The following ENOX2 variants were observed in gnomAD, a reference collection of about 807,000 sequenced individuals.
ENOX2 encodes the protein APK1 antigen.
Under a neutral mutation model 45.0 loss-of-function variants are expected in ENOX2, and 36 were observed. The observed-to-expected ratio is 0.80, with a 90% CI of 0.61 to 1.06. The LOEUF (loss-of-function observed/expected upper bound fraction) is 1.06, where lower values mean the gene tolerates loss of function less well. ENOX2 is among the 50% of genes least tolerant of loss of function. ENOX2 has a pLI of 0.00. For missense variants in ENOX2, 423 were observed against 462.5 expected, an observed-to-expected ratio of 0.91 and a Z score of 0.78; for synonymous variants, 174 against 152.3, an observed-to-expected ratio of 1.14 and a Z score of -1.05.
intron 2 of ENOX2, among the ~76,000 whole-genome samples, chrX:130,899,961 C>T (rs886439958): frequency 3.6e-5 from 4 of 112,201 alleles, no homozygotes; most frequent in Non-Finnish European, 7.5e-5. Flanking sequence ...AATTTTACCT[C>T]CTAAATGTTT....
At chrX:130,744,377 T>C (rs1256257585) in intron 3 of ENOX2, among the ~76,000 whole-genome samples, 1 of 112,424 alleles carries the variant, frequency 8.9e-6, no homozygotes. Context: ...TGCTGCTATG[T>C]GTCTCTGTTT....
chrX:130,695,773 G>A (rs916647840), intron 4 of ENOX2, among the ~76,000 whole-genome samples: 11 of 111,355 alleles, frequency 9.9e-5, no homozygotes, highest in Non-Finnish European at 3.8e-5. Flanking sequence ...CTGTGTACTG[G>A]GAAATTTTAA....
At chrX:130,731,813 T>C (rs1410580475) in intron 3 of ENOX2, among the ~76,000 whole-genome samples, 1 of 111,523 alleles carries the variant, frequency 9.0e-6, no homozygotes, top group Non-Finnish European at 1.9e-5. Context: ...CCTTTTTTGA[T>C]AAAAACTCTC....
At chrX:130,804,669 A>G (rs963836550) in intron 2 of ENOX2, among the ~76,000 whole-genome samples, 6 of 111,895 alleles carry the variant, frequency 5.4e-5, no homozygotes, top group African/African-American at 1.9e-4. Context: ...CCCTACCACT[A>G]AAAAGGTGAT....
intron 3 of ENOX2, among the ~76,000 whole-genome samples, chrX:130,754,808 G>T (rs189247874): frequency 9.0e-6 from 1 of 111,078 alleles, no homozygotes; most frequent in Admixed American, 9.6e-5. Flanking sequence ...CATTACTTGG[G>T]TAACAGGATC....
chrX:130,895,979 G>A, intron 2 of ENOX2, among the ~76,000 whole-genome samples: 1 of 112,578 alleles, frequency 8.9e-6, no homozygotes, highest in Non-Finnish European at 1.9e-5. Context: ...ATAGCAAAAA[G>A]CAATTAGGTC....
At chrX:130,667,416 G>T in intron 8 of ENOX2, 114 bp downstream of exon 8, 1 of 618,495 alleles carries the variant, frequency 1.6e-6, no homozygotes, top group Non-Finnish European at 2.6e-6. Flanking sequence ...CAGTGAAAAA[G>T]GGAGCCTTGA....
rs2035959745 is a variant in ENOX2, at chrX:130,637,423, AT to A, written c.1130-14del. 8.5e-7 allele frequency: 1 copy of A among 1,181,805 alleles called. No homozygotes were observed. The highest frequency in any genetic ancestry group is 1.8e-5 in the African/African-American group (1 of 56,297). On this transcript the variant is annotated splice_polypyrimidine_tract_variant and intron_variant, in intron 10 of 14. Coordinates refer to ENST00000394363, the MANE Select transcript of ENOX2 (RefSeq NM_006375.4). ...TGTGATACTAAGGCTAACAATCAAT[AT>A]AAAATATGAAACCATATATCCAGAT...
intron 12 of ENOX2, among the ~76,000 whole-genome samples, chrX:130,634,507 C>T (rs771346809): frequency 8.9e-6 from 1 of 111,739 alleles, no homozygotes; most frequent in Non-Finnish European, 1.9e-5. Flanking sequence ...TTTCTCTCTT[C>T]TTGGTATTGG....
At chrX:130,795,943 C>T (rs1027624523) in intron 2 of ENOX2, among the ~76,000 whole-genome samples, 12 of 110,387 alleles carry the variant, frequency 1.1e-4, no homozygotes, top group South Asian at 4.0e-4. Context: ...CCTTATCAGA[C>T]GACTTATTGT....
intron 3 of ENOX2, among the ~76,000 whole-genome samples, chrX:130,743,886 G>T (rs2039041096): frequency 8.9e-6 from 1 of 111,979 alleles, no homozygotes; most frequent in African/African-American, 3.2e-5. Flanking sequence ...ATTAGACTTG[G>T]TCTGATGTGT....
At chrX:130,818,368 T>C (rs1037650765) in intron 2 of ENOX2, among the ~76,000 whole-genome samples, 13 of 111,768 alleles carry the variant, frequency 1.2e-4, no homozygotes, top group Non-Finnish European at 1.9e-4. Flanking sequence ...CAAGCTACCA[T>C]TGACTTTCTG....
At chrX:130,825,700 T>C (rs749180902) in intron 2 of ENOX2, among the ~76,000 whole-genome samples, 49 of 111,261 alleles carry the variant, frequency 4.4e-4, no homozygotes, top group African/African-American at 1.6e-3. Context: ...CTCCATTTCA[T>C]CTGAGGCATG....
At chrX:130,726,268 A>AAGCCC (rs2038602244) in intron 3 of ENOX2, among the ~76,000 whole-genome samples, 1 of 111,988 alleles carries the variant, frequency 8.9e-6, no homozygotes, top group Non-Finnish European at 1.9e-5. Flanking sequence ...CAACAAAGCA[A>AAGCCC]AGCCCTTTCC....
At chrX:130,656,880 T>C (rs970032293) in intron 9 of ENOX2, among the ~76,000 whole-genome samples, 185 bp from the exon 10 acceptor site, 5 of 112,016 alleles carry the variant, frequency 4.5e-5, no homozygotes, top group African/African-American at 1.3e-4. Context: ...GACTTGGTTA[T>C]ACTCTGTCTT....
rs188882257 is a variant in ENOX2 at position 130,754,340 on chromosome X, G to A, written c.-39+29207C>T. 4.0e-3 allele frequency among the ~76,000 whole-genome samples: 445 copies of A among 111,779 alleles called. 3 individuals carry two copies. The highest frequency in any genetic ancestry group is 7.0e-3 in the Non-Finnish European group (369 of 53,007). On this transcript the variant is annotated intron_variant, in intron 3 of 14. Transcript: ENST00000394363. ...AAATGCATGGATTGTACTGACTTACGAAAAATAAGTCTAACATGTCTACCT... is the reference window on the plus strand; with the variant it reads ...AAATGCATGGATTGTACTGACTTACAAAAAATAAGTCTAACATGTCTACCT...
At chrX:130,703,818 CA>C (rs1451148462) in intron 3 of ENOX2, among the ~76,000 whole-genome samples, 3 of 111,133 alleles carry the variant, frequency 2.7e-5, no homozygotes, top group African/African-American at 9.8e-5. Flanking sequence ...GTTAGGGGAA[CA>C]ATGAGAAAAA....
intron 2 of ENOX2, among the ~76,000 whole-genome samples, chrX:130,885,790 T>C (rs761707369): frequency 3.3e-4 from 37 of 112,462 alleles, no homozygotes; most frequent in Non-Finnish European, 7.5e-5. Flanking sequence ...CACTGGTCCA[T>C]GAGAAATCTC....
At chrX:130,863,462 CTT>C (rs1361743691) in intron 2 of ENOX2, among the ~76,000 whole-genome samples, 3 of 112,340 alleles carry the variant, frequency 2.7e-5, no homozygotes, top group Non-Finnish European at 5.6e-5. Context: ...GAATAAAACA[CTT>C]TTCTCTCTTG....
Sources: allele counts gnomAD v4.1 joint callset (sites outside exome capture counted in the v4.1 genomes callset), GRCh38; gene constraint gnomAD v4.1.1; transcripts MANE v1.5; gene names NCBI Gene and HGNC (gene_info 2026-07-23, HGNC 2026-07-21).